EIF2B3: variants seen among roughly 807,000 people sequenced by gnomAD.
The protein encoded by EIF2B3 is translation initiation factor eIF2B subunit gamma.
A neutral mutation model predicts 54.1 loss-of-function variants in EIF2B3; 20 were observed. The observed-to-expected ratio is 0.37, with a 90% confidence interval of 0.26 to 0.54. The LOEUF (loss-of-function observed/expected upper bound fraction) is 0.54. Among genes scored for constraint, EIF2B3 ranks in the 20% least tolerant of loss-of-function variants. The pLI is 0.86. For synonymous variants in EIF2B3, 153 were observed against 188.1 expected (o/e 0.81, Z 1.52); for missense variants, 448 against 547.8 (o/e 0.82, Z 1.82).
At chr1:44,965,997 T>C (rs1644334707) in intron 3 of EIF2B3, among the ~76,000 whole-genome samples, 1 of 152,072 alleles carries the variant, frequency 6.6e-6, no homozygotes, top group Non-Finnish European at 1.5e-5. Flanking sequence ...GTTAAAAGCA[T>C]AGCCTCTGAA....
chr1:44,896,608 T>G (rs941890078), intron 6 of EIF2B3, among the ~76,000 whole-genome samples: 2 of 152,224 alleles, frequency 1.3e-5, no homozygotes, highest in Admixed American at 1.3e-4. Context: ...CTTTCCAAAC[T>G]TATCCAGCAG....
chr1:44,967,207 G>A (rs1644351299), intron 3 of EIF2B3, among the ~76,000 whole-genome samples: 1 of 151,352 alleles, frequency 6.6e-6, no homozygotes, highest in African/African-American at 2.4e-5. Flanking sequence ...AGCACTTTGG[G>A]AGGCTGAGGC....
At chr1:44,877,212 A>AAAAAAAAAAAAAAC (rs1557666558) in intron 8 of EIF2B3, among the ~76,000 whole-genome samples, 1 of 148,054 alleles carries the variant, frequency 6.8e-6, no homozygotes, top group Non-Finnish European at 1.5e-5. Flanking sequence ...AAAAAAAAAA[A>AAAAAAAAAAAAAAC]AAAAAAAAAA....
intron 6 of EIF2B3, among the ~76,000 whole-genome samples, chr1:44,889,956 G>A (rs1442135250): frequency 6.6e-6 from 1 of 152,238 alleles, no homozygotes; most frequent in Non-Finnish European, 1.5e-5. Context: ...CCAGGAATGG[G>A]TGGTGGATAG....
At chr1:44,860,013 T>C (rs1654558243) in intron 10 of EIF2B3, among the ~76,000 whole-genome samples, 1 of 152,100 alleles carries the variant, frequency 6.6e-6, no homozygotes, top group South Asian at 2.1e-4. Flanking sequence ...CCTTCTTTTT[T>C]TTTTTTGAGA....
At chr1:44,911,932 C>T (rs1233514931) in intron 5 of EIF2B3, among the ~76,000 whole-genome samples, 3 of 149,628 alleles carry the variant, frequency 2.0e-5, no homozygotes, top group Non-Finnish European at 4.4e-5. Context: ...GTTCAATTCC[C>T]ACCTATGAGT....
chr1:44,900,949 C>A (rs1643282231), intron 5 of EIF2B3, among the ~76,000 whole-genome samples: 1 of 151,898 alleles, frequency 6.6e-6, no homozygotes, highest in African/African-American at 2.4e-5. Flanking sequence ...GAGTTCTTAT[C>A]TTTTCATTTC....
At chr1:44,955,137 A>G (rs900124995) in intron 3 of EIF2B3, among the ~76,000 whole-genome samples, 1 of 152,196 alleles carries the variant, frequency 6.6e-6, no homozygotes, top group Non-Finnish European at 1.5e-5. Context: ...AGGCTACAGT[A>G]ACCAAAACGG....
chr1:44,956,670 G>A (rs1644229521), intron 3 of EIF2B3, among the ~76,000 whole-genome samples: 2 of 152,118 alleles, frequency 1.3e-5, no homozygotes, highest in East Asian at 3.9e-4. Context: ...GACTCAGCTT[G>A]GGAATTTAGT....
chr1:44,925,574 C>T (rs1269280097), intron 5 of EIF2B3, among the ~76,000 whole-genome samples: 2 of 152,110 alleles, frequency 1.3e-5, no homozygotes, highest in African/African-American at 2.4e-5. Context: ...TGAAAGTTCT[C>T]GAGATCTGTT....
rs146313749 is a variant in EIF2B3, at chr1:44,977,307, A to T, written c.294+1008T>A. 5.1e-3 allele frequency among the ~76,000 whole-genome samples: 773 copies of T among 152,284 alleles called. 5 individuals carry two copies. The highest frequency in any genetic ancestry group is 0.027 in the Middle Eastern group (8 of 294). On this transcript the variant is annotated intron_variant, in intron 3 of 11. Coordinates refer to ENST00000360403, the MANE Select transcript of EIF2B3 (RefSeq NM_020365.5). ...TAACCAAAGGTTAACTAAAAGTTCAAATATTACATGGGAGGTCTATGAATT... is the reference window on the plus strand; with the variant it reads ...TAACCAAAGGTTAACTAAAAGTTCATATATTACATGGGAGGTCTATGAATT...
intron 3 of EIF2B3, among the ~76,000 whole-genome samples, chr1:44,966,608 T>C (rs2148957511): frequency 6.6e-6 from 1 of 152,244 alleles, no homozygotes; most frequent in African/African-American, 2.4e-5. Context: ...GAGGGGGCTC[T>C]AGAGCTGTGA....
At chr1:44,859,340 G>A (rs996836820) in intron 10 of EIF2B3, among the ~76,000 whole-genome samples, 1 of 151,708 alleles carries the variant, frequency 6.6e-6, no homozygotes, top group Non-Finnish European at 1.5e-5. Context: ...CTGCCAGGTT[G>A]GAGGAAATGT....
chr1:44,893,662 C>T (rs943840691), intron 6 of EIF2B3, among the ~76,000 whole-genome samples: 7 of 152,116 alleles, frequency 4.6e-5, no homozygotes, highest in African/African-American at 1.7e-4. Flanking sequence ...TTCTTCTTTC[C>T]TCTCTCTTCC....
intron 10 of EIF2B3, among the ~76,000 whole-genome samples, chr1:44,858,477 A>AT (rs1314383831): frequency 6.6e-6 from 1 of 151,314 alleles, no homozygotes; most frequent in Middle Eastern, 3.4e-3. Context: ...ATTCAAAAAA[A>AT]TTTTTTTTTC....
At chr1:44,978,938 C>T (rs1393070070) in intron 2 of EIF2B3, among the ~76,000 whole-genome samples, 1 of 151,696 alleles carries the variant, frequency 6.6e-6, no homozygotes, top group African/African-American at 2.4e-5. Flanking sequence ...CATCTGGCCT[C>T]CCCCCAATTA....
chr1:44,950,109 A>G (rs952953963), intron 3 of EIF2B3, among the ~76,000 whole-genome samples: 21 of 152,240 alleles, frequency 1.4e-4, no homozygotes, highest in Admixed American at 3.3e-4. Flanking sequence ...GAGAAAAAAT[A>G]CAACTAATAA....
chr1:44,873,463 C>T (rs1292203307), intron 10 of EIF2B3, among the ~76,000 whole-genome samples: 1 of 151,996 alleles, frequency 6.6e-6, no homozygotes, highest in African/African-American at 2.4e-5. Flanking sequence ...TTTCCCTTTC[C>T]ATCTTTCATC....
At chr1:44,980,420 T>C (rs948203985) in intron 2 of EIF2B3, among the ~76,000 whole-genome samples, 2 of 152,002 alleles carry the variant, frequency 1.3e-5, no homozygotes, top group Non-Finnish European at 2.9e-5. Context: ...GAGGTTGTAG[T>C]GAGCCAAGAT....
Sources: allele counts gnomAD v4.1 joint callset (sites outside exome capture counted in the v4.1 genomes callset), GRCh38; gene constraint gnomAD v4.1.1; transcripts MANE v1.5; gene names NCBI Gene and HGNC (gene_info 2026-07-23, HGNC 2026-07-21).